Variants in SMAD9 observed in about 807,000 individuals in gnomAD.
SMAD9 encodes the protein SMAD family member 9, also known as MAD homolog 9.
A neutral mutation model predicts 46.1 loss-of-function variants in SMAD9; 36 were observed. That is an observed-to-expected ratio of 0.78 (90% CI 0.60 to 1.03). The LOEUF (loss-of-function observed/expected upper bound fraction) is 1.03. SMAD9 is among the 50% of genes least tolerant of loss of function. The pLI is 0.00. For synonymous variants in SMAD9, 245 were observed against 237.1 expected (o/e 1.03, Z -0.31); for missense variants, 572 against 599.8 (o/e 0.95, Z 0.48).
At chr13:36,873,168 A>C (rs1429513757) in intron 2 of SMAD9, among the ~76,000 whole-genome samples, 1 of 152,176 alleles carries the variant, frequency 6.6e-6, no homozygotes, top group African/African-American at 2.4e-5. Context: ...GCAGAATGTC[A>C]TAATTCACAA....
intron 1 of SMAD9, among the ~76,000 whole-genome samples, chr13:36,919,640 A>G (rs1593640063): frequency 7.5e-6 from 1 of 132,778 alleles, no homozygotes. Flanking sequence ...GCGACCCCTC[A>G]GGCGCCTATC....
chr13:36,869,308 C>T (rs895949090), intron 3 of SMAD9, among the ~76,000 whole-genome samples: 4 of 151,726 alleles, frequency 2.6e-5, no homozygotes, highest in Non-Finnish European at 4.4e-5. Flanking sequence ...CTGCAGCCTC[C>T]GACTCCTGGA....
At chr13:36,916,670 T>C (rs1290632749) in intron 1 of SMAD9, among the ~76,000 whole-genome samples, 1 of 151,880 alleles carries the variant, frequency 6.6e-6, no homozygotes. Flanking sequence ...TCCTGGATCT[T>C]GTAAGGATGG....
intron 6 of SMAD9, chr13:36,851,737 A>G: frequency 1.0e-6 from 1 of 972,310 alleles, no homozygotes; most frequent in Non-Finnish European, 1.2e-6. Flanking sequence ...TTAAAAAAAA[A>G]TGATCTATAG....
Position 36,872,878 on chromosome 13 carries a change from A to G in SMAD9, c.450T>C (p.Tyr150=), listed in dbSNP as rs1424798053. 3 of 1,614,034 alleles carry G rather than the reference A, an allele frequency of 1.9e-6. No homozygotes were observed. The highest frequency in any genetic ancestry group is 2.5e-6 in the Non-Finnish European group (3 of 1,180,034). ...TGGCCAGGAGGCTGAGCTGGGGGTT[A>G]TATTCACTGTGTCTTGGCACGAGCA... The part of the protein sequence containing the change: ...PPVLVPRHSE[Y]NPQLSLLAKF... The change falls in exon 3 of 7, where the codon TAT becomes TAC. Residue 150 remains tyrosine, a synonymous_variant. Transcript: ENST00000379826.
intron 5 of SMAD9, among the ~76,000 whole-genome samples, chr13:36,864,636 T>G (rs969660207): frequency 6.6e-6 from 1 of 152,126 alleles, no homozygotes; most frequent in African/African-American, 2.4e-5. Context: ...CCATTAAGAG[T>G]CAACATCAAT....
chr13:36,911,718 T>C (rs2058663500), intron 1 of SMAD9, among the ~76,000 whole-genome samples: 1 of 148,952 alleles, frequency 6.7e-6, no homozygotes, highest in Non-Finnish European at 1.5e-5. Context: ...TTTTATTTTT[T>C]ATTTTTTGAG....
At chr13:36,903,737 T>C (rs558730259) in intron 1 of SMAD9, among the ~76,000 whole-genome samples, 2 of 152,286 alleles carry the variant, frequency 1.3e-5, no homozygotes, top group East Asian at 1.9e-4. Flanking sequence ...AAAAGTAACA[T>C]AGTGACCTTT....
At chr13:36,865,461 G>T in intron 5 of SMAD9, 76 bp downstream of exon 5, 4 of 1,190,534 alleles carry the variant, frequency 3.4e-6, no homozygotes, top group Non-Finnish European at 5.0e-6. Flanking sequence ...ATGTGAGGGT[G>T]GTCACGTGCA....
chr13:36,917,684 T>TC, intron 1 of SMAD9, among the ~76,000 whole-genome samples: 1 of 152,298 alleles, frequency 6.6e-6, no homozygotes, highest in East Asian at 1.9e-4. Flanking sequence ...ACCTTTACCT[T>TC]CCCTAAAATC....
chr13:36,895,639 G>C (rs1174867159), intron 1 of SMAD9, among the ~76,000 whole-genome samples: 1 of 152,146 alleles, frequency 6.6e-6, no homozygotes, highest in Non-Finnish European at 1.5e-5. Context: ...TAGAAATTAA[G>C]CAGAATTTCA....
chr13:36,899,563 GTCGGGGGTAACACA>G (rs1210184176), intron 1 of SMAD9, among the ~76,000 whole-genome samples: 5 of 152,154 alleles, frequency 3.3e-5, no homozygotes, highest in Non-Finnish European at 7.3e-5. Flanking sequence ...ACTAAATGAA[GTCGGGGGTAACACA>G]GATGCAAAGA....
chr13:36,870,963 T>C (rs1347436557), intron 3 of SMAD9, among the ~76,000 whole-genome samples: 2 of 152,286 alleles, frequency 1.3e-5, no homozygotes, highest in East Asian at 3.9e-4. Context: ...AGAACCTGGA[T>C]AGGATGGCAC....
intron 5 of SMAD9, among the ~76,000 whole-genome samples, chr13:36,860,489 GC>G (rs1403196333): frequency 1.4e-5 from 2 of 140,916 alleles, no homozygotes; most frequent in South Asian, 4.5e-4. Flanking sequence ...TCGCTCTGTC[GC>G]CCAGGCTGGA....
chr13:36,861,479 TA>T (rs1246997214), intron 5 of SMAD9, among the ~76,000 whole-genome samples: 1 of 151,212 alleles, frequency 6.6e-6, no homozygotes, highest in Non-Finnish European at 1.5e-5. Context: ...CACACCCGGC[TA>T]ATTTTTTGTA....
chr13:36,905,105 T>G (rs2058607734), intron 1 of SMAD9, among the ~76,000 whole-genome samples: 1 of 152,126 alleles, frequency 6.6e-6, no homozygotes, highest in African/African-American at 2.4e-5. Flanking sequence ...TTGTTGTAAC[T>G]GGGGGAGGGA....
intron 1 of SMAD9, among the ~76,000 whole-genome samples, chr13:36,903,294 T>C (rs1326367994): frequency 6.6e-6 from 1 of 151,768 alleles, no homozygotes; most frequent in African/African-American, 2.4e-5. Flanking sequence ...ACCAGGCAAA[T>C]TTTTGTATTT....
At position 36,879,309 on chromosome 13, in the gene SMAD9, G is replaced by T; in HGVS notation, c.381C>A (p.Asn127Lys). ...FGSKQKEVCINPYHYRRVETP... is the reference protein window; with the variant it reads ...FGSKQKEVCIKPYHYRRVETP... ...TCTCCACCCGGCGGTAGTGGTAAGGGTTAATGCACACTTCTTTCTGCTTGG... is the reference window on the plus strand; with the variant it reads ...TCTCCACCCGGCGGTAGTGGTAAGGTTTAATGCACACTTCTTTCTGCTTGG... Residue 127 changes from asparagine (N) to lysine (K), a missense_variant, in exon 2 of 7, where the codon AAC becomes AAA. Asn to Lys is a moderately conservative substitution (Grantham distance 94, BLOSUM62 0). Transcript: ENST00000379826. 1 of 1,614,152 alleles carries T rather than the reference G, an allele frequency of 6.2e-7. No homozygotes were observed. Among genetic ancestry groups the T allele is most frequent in the Non-Finnish European group, 8.5e-7 (1 of 1,180,048 alleles).
chr13:36,899,813 T>A (rs369815645), intron 1 of SMAD9, among the ~76,000 whole-genome samples: 3 of 152,208 alleles, frequency 2.0e-5, no homozygotes, highest in African/African-American at 7.2e-5. Context: ...GAACATTTCA[T>A]TGAATTATTA....
Sources: gnomAD v4.1 joint callset for allele counts (sites outside exome capture counted in the v4.1 genomes callset) on GRCh38, gnomAD v4.1.1 for gene constraint, MANE v1.5 for transcripts, NCBI Gene and HGNC (gene_info 2026-07-23, HGNC 2026-07-21) for gene names.